Variants in ANKS1B observed in about 807,000 individuals in gnomAD.
ANKS1B encodes ankyrin repeat and sterile alpha motif domain containing 1B, also known as ankyrin repeat and sterile alpha motif domain-containing protein 1B.
ANKS1B carries 36 observed loss-of-function variants against 148.3 expected under a neutral mutation model. The ratio of observed to expected loss-of-function variants is 0.24; its 90% confidence interval spans 0.19 to 0.32. The LOEUF (loss-of-function observed/expected upper bound fraction) is 0.32, where lower values mean the gene tolerates loss of function less well. ANKS1B is among the 10% of genes least tolerant of loss of function. The pLI is 1.00. For missense variants in ANKS1B, 1,157 were observed against 1,542.6 expected (o/e 0.75, Z 4.19); for synonymous variants, 542 against 560.8 (o/e 0.97, Z 0.47).
intron 18 of ANKS1B, among the ~76,000 whole-genome samples, chr12:98,830,207 T>C (rs538979121): frequency 6.6e-6 from 1 of 152,292 alleles, no homozygotes; most frequent in Admixed American, 6.5e-5. Context: ...ATGGTGCTTA[T>C]ATCTTTCTCT....
intron 17 of ANKS1B, among the ~76,000 whole-genome samples, chr12:98,985,626 A>T (rs976482646): frequency 8.6e-5 from 13 of 151,872 alleles, no homozygotes; most frequent in African/African-American, 2.9e-4. Flanking sequence ...TATTTCACAT[A>T]TAGTATAAAA....
At chr12:99,968,552 T>C (rs2095518500) in intron 1 of ANKS1B, among the ~76,000 whole-genome samples, 1 of 143,262 alleles carries the variant, frequency 7.0e-6, no homozygotes, top group Non-Finnish European at 1.5e-5. Flanking sequence ...ACCGAGCCTC[T>C]GTCTCAATCA....
At chr12:99,248,327 C>G (rs2074132803) in intron 12 of ANKS1B, among the ~76,000 whole-genome samples, 1 of 152,134 alleles carries the variant, frequency 6.6e-6, no homozygotes, top group Admixed American at 6.5e-5. Flanking sequence ...AGACTTCACC[C>G]TGGTTCCTGC....
rs948434405 is a variant in ANKS1B, at chr12:99,284,298, G to A, written c.1757-37434C>T. On this transcript the variant is annotated intron_variant, in intron 12 of 26. Transcript: ENST00000683438. ...TTGTAAGGAAGAATTGGGCAGCAGT[G>A]CAGAGAGAAGGAAGAGTTGGGTGCT... Among the ~76,000 whole-genome samples, 57 of 152,190 alleles carry A rather than the reference G, an allele frequency of 3.7e-4. 3 individuals carry two copies. Among genetic ancestry groups the A allele is most frequent in the Non-Finnish European group, 1.5e-5 (1 of 68,038 alleles).
chr12:99,696,882 T>A (rs1363412784), intron 8 of ANKS1B, among the ~76,000 whole-genome samples: 5 of 152,186 alleles, frequency 3.3e-5, no homozygotes, highest in African/African-American at 9.6e-5. Flanking sequence ...AAATACAACA[T>A]AAGAAAACAA....
chr12:99,646,602 C>T (rs2098368431), intron 9 of ANKS1B, among the ~76,000 whole-genome samples: 1 of 126,666 alleles, frequency 7.9e-6, no homozygotes, highest in Non-Finnish European at 1.6e-5. Flanking sequence ...TGCAGTGAGC[C>T]AAGATCACGC....
intron 12 of ANKS1B, among the ~76,000 whole-genome samples, chr12:99,249,726 C>T (rs1342823190): frequency 1.3e-5 from 2 of 152,184 alleles, no homozygotes. Context: ...CTAGTCCTCT[C>T]ACGCTGACTC....
At chr12:98,967,328 T>C (rs750496429) in intron 17 of ANKS1B, among the ~76,000 whole-genome samples, 7 of 152,110 alleles carry the variant, frequency 4.6e-5, no homozygotes, top group Non-Finnish European at 1.0e-4. Flanking sequence ...GAAGACTCTA[T>C]ATGGCTCTTA....
intron 14 of ANKS1B, among the ~76,000 whole-genome samples, chr12:99,242,156 C>A (rs1272960490): frequency 6.6e-6 from 1 of 152,166 alleles, no homozygotes; most frequent in Non-Finnish European, 1.5e-5. Context: ...ATCATTTTAG[C>A]CCAAAATCTC....
chr12:99,892,155 C>T (rs183880138), intron 1 of ANKS1B, among the ~76,000 whole-genome samples: 2 of 152,230 alleles, frequency 1.3e-5, no homozygotes, highest in Non-Finnish European at 2.9e-5. Flanking sequence ...AGGTGTGTAC[C>T]ACCATGCCCG....
At chr12:98,890,960 G>A (rs1474970016) in intron 17 of ANKS1B, among the ~76,000 whole-genome samples, 1 of 152,168 alleles carries the variant, frequency 6.6e-6, no homozygotes, top group Non-Finnish European at 1.5e-5. Context: ...ATAGAATATG[G>A]TAAAGTTGCG....
At chr12:99,174,860 G>A (rs2078194907) in intron 14 of ANKS1B, among the ~76,000 whole-genome samples, 1 of 152,114 alleles carries the variant, frequency 6.6e-6, no homozygotes, top group South Asian at 2.1e-4. Flanking sequence ...ACTACATCAT[G>A]AAATAGTCAT....
At chr12:99,601,198 T>A (rs1471854985) in intron 9 of ANKS1B, among the ~76,000 whole-genome samples, 1 of 152,072 alleles carries the variant, frequency 6.6e-6, no homozygotes, top group African/African-American at 2.4e-5. Flanking sequence ...TAGGTCTCAA[T>A]AGATGAGGAT....
intron 17 of ANKS1B, among the ~76,000 whole-genome samples, chr12:98,835,777 T>C (rs1287843075): frequency 6.6e-6 from 1 of 152,164 alleles, no homozygotes; most frequent in East Asian, 1.9e-4. Flanking sequence ...AGGAAACGAA[T>C]TAACACAGGA....
At chr12:99,144,174 A>G (rs1249807809) in intron 15 of ANKS1B, among the ~76,000 whole-genome samples, 3 of 151,994 alleles carry the variant, frequency 2.0e-5, no homozygotes, top group Non-Finnish European at 2.9e-5. Context: ...CTAATCATCA[A>G]TTTCCTTGGA....
At chr12:99,341,010 G>A (rs1298966562) in intron 12 of ANKS1B, 1 of 152,094 alleles carries the variant, frequency 6.6e-6, no homozygotes, top group African/African-American at 2.4e-5. Flanking sequence ...CATCTATACA[G>A]TAATAAATCA....
intron 10 of ANKS1B, among the ~76,000 whole-genome samples, chr12:99,489,001 T>C (rs530047475): frequency 2.6e-5 from 4 of 151,754 alleles, no homozygotes; most frequent in Non-Finnish European, 5.9e-5. Context: ...TCCCAGAACT[T>C]TGGGAGGCGA....
chr12:99,588,485 C>T (rs569575474), intron 9 of ANKS1B, among the ~76,000 whole-genome samples: 3 of 151,378 alleles, frequency 2.0e-5, no homozygotes, highest in Non-Finnish European at 2.9e-5. Context: ...GGTGCCATCT[C>T]GGCTCACTGC....
chr12:99,657,454 C>T (rs1388743096), intron 8 of ANKS1B, among the ~76,000 whole-genome samples: 1 of 151,958 alleles, frequency 6.6e-6, no homozygotes, highest in Non-Finnish European at 1.5e-5. Context: ...CGAGTAAAGT[C>T]CTGAGAGCAT....
Sources: gnomAD v4.1 joint callset for allele counts (sites outside exome capture counted in the v4.1 genomes callset) on GRCh38, gnomAD v4.1.1 for gene constraint, MANE v1.5 for transcripts, NCBI Gene and HGNC (gene_info 2026-07-23, HGNC 2026-07-21) for gene names.